The following RHOU variants were observed in gnomAD, a reference collection of about 807,000 sequenced individuals.
The protein encoded by RHOU is rho-related GTP-binding protein RhoU.
RHOU carries 8 observed loss-of-function variants against 12.6 expected under a neutral mutation model. The ratio of observed to expected loss-of-function variants is 0.64; its 90% CI spans 0.37 to 1.15. The LOEUF is 1.15. Ranked by LOEUF, RHOU falls within the 50% of genes most tolerant of loss-of-function variation. The probability of loss-of-function intolerance (pLI) is 0.01; values close to 1 mark genes in which losing one functional copy is unlikely to be tolerated. For synonymous variants in RHOU, 161 were observed against 147.4 expected (o/e 1.09, Z -0.67); for missense variants, 258 against 347.0 (o/e 0.74, Z 2.04).
At chr1:228,650,797 C>G in the RHOU span, 1 of 426,662 alleles carries the variant, frequency 2.3e-6, no homozygotes, top group Middle Eastern at 3.8e-4. Context: ...GAGGTGCCTA[C>G]CATGCATCCA....
the RHOU span, among the ~76,000 whole-genome samples, chr1:228,657,570 T>C: frequency 1.1e-4 from 16 of 152,312 alleles, no homozygotes. Context: ...CAGACAGTTC[T>C]ACAAAAGACA....
chr1:228,708,964 A>T, the RHOU span, among the ~76,000 whole-genome samples: 1 of 152,238 alleles, frequency 6.6e-6, no homozygotes, highest in Non-Finnish European at 1.5e-5. Context: ...ATGGAGGAAG[A>T]TCTACCAAGA....
chr1:228,655,158 G>A, the RHOU span, among the ~76,000 whole-genome samples: 12 of 150,052 alleles, frequency 8.0e-5, 1 homozygote, highest in African/African-American at 2.5e-4. Context: ...AGGCTGGAGT[G>A]CAGTGGCGCG....
chr1:228,659,517 T>A, the RHOU span, among the ~76,000 whole-genome samples: 1 of 144,134 alleles, frequency 6.9e-6, no homozygotes, highest in Non-Finnish European at 1.5e-5. Flanking sequence ...ATTTCAGAAA[T>A]AAATAAAACA....
chr1:228,712,837 TA>T, the RHOU span, among the ~76,000 whole-genome samples: 1 of 86,966 alleles, frequency 1.1e-5, no homozygotes, highest in African/African-American at 6.6e-5. Flanking sequence ...ATAAATAAAA[TA>T]AAATAAAATA....
At chr1:228,663,566 CATT>C in the RHOU span, among the ~76,000 whole-genome samples, 1 of 147,622 alleles carries the variant, frequency 6.8e-6, no homozygotes, top group Admixed American at 6.7e-5. Context: ...ACATAGCTGA[CATT>C]ATTTTTCTTT....
chr1:228,697,726 T>C, the RHOU span, among the ~76,000 whole-genome samples: 1 of 152,190 alleles, frequency 6.6e-6, no homozygotes, highest in Admixed American at 6.5e-5. Context: ...GATGTTGCCA[T>C]TGAAATGTGC....
chr1:228,648,136 G>C, the RHOU span: 1 of 152,294 alleles, frequency 6.6e-6, no homozygotes, highest in East Asian at 1.9e-4. Context: ...ATCGGGACCC[G>C]GGAGCCGCTC....
the RHOU span, among the ~76,000 whole-genome samples, chr1:228,689,277 A>C: frequency 6.6e-6 from 1 of 151,712 alleles, no homozygotes; most frequent in Non-Finnish European, 1.5e-5. Flanking sequence ...TGTAATCTGT[A>C]GTAGAAGCCA....
intron 2 of RHOU, among the ~76,000 whole-genome samples, chr1:228,739,099 C>G (rs1338104650): frequency 2.0e-5 from 3 of 151,644 alleles, no homozygotes; most frequent in Admixed American, 2.0e-4. Context: ...CCAGCCTGGG[C>G]GACAGAGCAA....
At chr1:228,664,861 T>TGACCTCAGGTGATCCACC in the RHOU span, among the ~76,000 whole-genome samples, 6 of 152,062 alleles carry the variant, frequency 3.9e-5, no homozygotes, top group South Asian at 1.0e-3. Flanking sequence ...CTCGAAATCC[T>TGACCTCAGGTGATCCACC]GACCTCAGGT....
chr1:228,696,807 A>G, the RHOU span, among the ~76,000 whole-genome samples: 1 of 152,128 alleles, frequency 6.6e-6, no homozygotes, highest in Admixed American at 6.5e-5. Context: ...TCGACCTGCC[A>G]AAGTGCTGGG....
the RHOU span, among the ~76,000 whole-genome samples, chr1:228,726,494 G>A: frequency 2.0e-5 from 3 of 152,118 alleles, 1 homozygote; most frequent in African/African-American, 4.8e-5. Context: ...GTGAAACCCC[G>A]TCCGTACTAA....
chr1:228,661,099 A>G, the RHOU span, among the ~76,000 whole-genome samples: 1 of 152,182 alleles, frequency 6.6e-6, no homozygotes, highest in Non-Finnish European at 1.5e-5. Flanking sequence ...CTACAAAGAG[A>G]ATAAAATACC....
the RHOU span, among the ~76,000 whole-genome samples, chr1:228,664,006 T>C: frequency 2.7e-3 from 145 of 53,146 alleles, no homozygotes; most frequent in African/African-American, 9.9e-3. Flanking sequence ...CCTCCCCTCC[T>C]CTCCCCTCTC....
chr1:228,690,759 A>T, the RHOU span, among the ~76,000 whole-genome samples: 1 of 152,024 alleles, frequency 6.6e-6, no homozygotes, highest in East Asian at 1.9e-4. Context: ...CTGAGATTAC[A>T]GGCGCCCACC....
At position 228,744,718 on chromosome 1, in the gene RHOU, G is replaced by A. The variant is rs913822984; in HGVS notation, c.*978G>A. 3 of 152,170 alleles carry A rather than the reference G, an allele frequency of 2.0e-5. No homozygotes were observed. The highest frequency in any genetic ancestry group is 3.4e-3 in the Middle Eastern group (1 of 294). 9.4% of individuals were successfully genotyped at this position (152,170 alleles called of 1,614,324 possible). A position where few individuals can be genotyped will look rare whatever the true frequency, so the allele number is the denominator to read the frequency against. On this transcript the variant is annotated 3_prime_UTR_variant, in exon 3 of 3. Coordinates refer to ENST00000366691, the MANE Select transcript of RHOU (RefSeq NM_021205.6). Reference sequence around the variant, plus strand: ...AACACAGATAATTTTTTCTTAAGTCGGCCAAGATGTACTTCTCTGTGTGCA... The same window carrying A: ...AACACAGATAATTTTTTCTTAAGTCAGCCAAGATGTACTTCTCTGTGTGCA...
chr1:228,721,464 A>C, the RHOU span, among the ~76,000 whole-genome samples: 4 of 152,252 alleles, frequency 2.6e-5, no homozygotes, highest in African/African-American at 9.6e-5. Flanking sequence ...TTTCATTATT[A>C]GTCAAAGCCA....
chr1:228,719,856 C>G, the RHOU span, among the ~76,000 whole-genome samples: 3 of 152,144 alleles, frequency 2.0e-5, no homozygotes, highest in Non-Finnish European at 4.4e-5. Flanking sequence ...AATTCAGTAG[C>G]TTTCTCTCCT....
Sources: allele counts gnomAD v4.1 joint callset (sites outside exome capture counted in the v4.1 genomes callset), GRCh38; gene constraint gnomAD v4.1.1; transcripts MANE v1.5; gene names NCBI Gene and HGNC (gene_info 2026-07-23, HGNC 2026-07-21).